The following ACCSL variants were observed in gnomAD, a reference collection of about 807,000 sequenced individuals.
ACCSL encodes probable inactive 1-aminocyclopropane-1-carboxylate synthase-like protein 2.
Under a neutral mutation model 61.7 loss-of-function variants are expected in ACCSL, and 55 were observed. That is an observed-to-expected ratio of 0.89 (90% CI 0.72 to 1.12). The LOEUF is 1.12. Ranked by LOEUF, ACCSL falls within the 50% of genes most tolerant of loss-of-function variation. The probability of loss-of-function intolerance (pLI) is 0.00; values close to 1 mark genes in which losing one functional copy is unlikely to be tolerated. For missense variants in ACCSL, 632 were observed against 698.0 expected, an observed-to-expected ratio of 0.91 and a Z score of 1.07; for synonymous variants, 258 against 264.3, an observed-to-expected ratio of 0.98 and a Z score of 0.23.
chr11:43,929,861 G>C, the ACCSL span, among the ~76,000 whole-genome samples: 87 of 152,194 alleles, frequency 5.7e-4, no homozygotes, highest in Admixed American at 1.5e-3. Context: ...TGTGGGCTTT[G>C]GGCAGGTCTT....
chr11:43,924,092 A>G, the ACCSL span, among the ~76,000 whole-genome samples: 1 of 152,218 alleles, frequency 6.6e-6, no homozygotes, highest in African/African-American at 2.4e-5. Context: ...GGAAAGGGGA[A>G]AGTGGGGAGG....
the ACCSL span, among the ~76,000 whole-genome samples, chr11:44,026,838 T>A: frequency 6.6e-6 from 1 of 152,126 alleles, no homozygotes; most frequent in African/African-American, 2.4e-5. Context: ...CAAGCCATTC[T>A]CCCGCCTCAG....
At chr11:44,001,586 T>C in the ACCSL span, among the ~76,000 whole-genome samples, 149 of 151,912 alleles carry the variant, frequency 9.8e-4, no homozygotes, top group Non-Finnish European at 1.6e-3. Context: ...GGCGTGTCCA[T>C]CTGTTAAATG....
the ACCSL span, among the ~76,000 whole-genome samples, chr11:43,949,301 A>G: frequency 6.6e-6 from 1 of 152,178 alleles, no homozygotes. Context: ...GGGAGATAGC[A>G]AATTTTACCA....
chr11:44,023,058 TTTTTC>T, the ACCSL span, among the ~76,000 whole-genome samples: 1 of 131,356 alleles, frequency 7.6e-6, no homozygotes, highest in Non-Finnish European at 1.6e-5. Context: ...TTTTTTTTTT[TTTTTC>T]GAGAAAGAGT....
chr11:43,949,522 A>C, the ACCSL span, among the ~76,000 whole-genome samples: 3,695 of 152,296 alleles, frequency 0.024, 152 homozygotes, highest in African/African-American at 0.085. Flanking sequence ...AAGATTAAAA[A>C]GTTACTTACT....
the ACCSL span, among the ~76,000 whole-genome samples, chr11:44,038,436 G>A: frequency 6.6e-6 from 1 of 152,210 alleles, no homozygotes; most frequent in African/African-American, 2.4e-5. Context: ...GCTCCTTGGA[G>A]GAGGTGATAA....
chr11:44,044,316 C>T (rs1313744709), upstream of ACCSL, among the ~76,000 whole-genome samples: 1 of 152,162 alleles, frequency 6.6e-6, no homozygotes, highest in Non-Finnish European at 1.5e-5. Context: ...TACTTATCTT[C>T]ACTGGGCTTC....
At chr11:44,050,002 G>A in intron 1 of ACCSL, 60 bp from the exon 2 acceptor site, 1 of 1,608,058 alleles carries the variant, frequency 6.2e-7, no homozygotes, top group Non-Finnish European at 8.5e-7. Context: ...AATGTTTCAA[G>A]GGATCTATGT....
At chr11:43,990,678 C>T in the ACCSL span, among the ~76,000 whole-genome samples, 1 of 152,178 alleles carries the variant, frequency 6.6e-6, no homozygotes, top group African/African-American at 2.4e-5. Context: ...CACTCCAATT[C>T]TTTGGGATTG....
chr11:44,052,926 T>C (rs532200918), intron 6 of ACCSL, 65 bp from the exon 7 acceptor site: 5 of 1,541,948 alleles, frequency 3.2e-6, no homozygotes, highest in East Asian at 2.2e-5. Flanking sequence ...TTGCGGGGCT[T>C]ATGGGAATGA....
chr11:43,966,158 G>A, the ACCSL span, among the ~76,000 whole-genome samples: 1 of 152,136 alleles, frequency 6.6e-6, no homozygotes, highest in African/African-American at 2.4e-5. Context: ...GGGCACAGTG[G>A]CTCATGCCTG....
At chr11:43,933,059 G>A in the ACCSL span, 1 of 455,670 alleles carries the variant, frequency 2.2e-6, no homozygotes, top group South Asian at 1.5e-5. Context: ...TGCGTTTCTG[G>A]CTCCAGCTGC....
At chr11:43,985,848 C>A in the ACCSL span, among the ~76,000 whole-genome samples, 1 of 152,026 alleles carries the variant, frequency 6.6e-6, no homozygotes, top group African/African-American at 2.4e-5. Flanking sequence ...ACCAGCCTGG[C>A]CAACATGACG....
At chr11:43,995,706 T>G in the ACCSL span, among the ~76,000 whole-genome samples, 1 of 151,968 alleles carries the variant, frequency 6.6e-6, no homozygotes, top group Non-Finnish European at 1.5e-5. Context: ...AGGACCCCAG[T>G]GCATTTCAGA....
At chr11:44,021,922 G>T in the ACCSL span, among the ~76,000 whole-genome samples, 4 of 152,106 alleles carry the variant, frequency 2.6e-5, no homozygotes, top group Non-Finnish European at 5.9e-5. Context: ...AAGATAATTT[G>T]CTGTAAGTAT....
At chr11:44,052,238 C>A (rs2134769730) in intron 5 of ACCSL, among the ~76,000 whole-genome samples, 1 of 152,314 alleles carries the variant, frequency 6.6e-6, no homozygotes, top group Non-Finnish European at 1.5e-5. Flanking sequence ...TCAGTAAGGC[C>A]AAATGGATGG....
upstream of ACCSL, among the ~76,000 whole-genome samples, chr11:44,043,734 TG>T (rs1952586031): frequency 6.6e-6 from 1 of 152,244 alleles, no homozygotes; most frequent in Non-Finnish European, 1.5e-5. Flanking sequence ...CTTGTCTTCA[TG>T]CCTTATTCCA....
the ACCSL span, among the ~76,000 whole-genome samples, chr11:43,956,495 C>T: frequency 6.6e-6 from 1 of 152,134 alleles, no homozygotes; most frequent in Non-Finnish European, 1.5e-5. Context: ...TCTCAGCTCA[C>T]TGCAACCTCA....
Sources: allele counts gnomAD v4.1 joint callset (sites outside exome capture counted in the v4.1 genomes callset), GRCh38; gene constraint gnomAD v4.1.1; transcripts MANE v1.5; gene names NCBI Gene and HGNC (gene_info 2026-07-23, HGNC 2026-07-21).